Variants in ACCSL observed in about 807,000 individuals in gnomAD.
ACCSL encodes the protein 1-aminocyclopropane-1-carboxylate synthase homolog (inactive) like.
ACCSL carries 55 observed loss-of-function variants against 61.7 expected under a neutral mutation model. The observed-to-expected ratio is 0.89, with a 90% CI of 0.72 to 1.12. ACCSL has a LOEUF of 1.12. Among genes scored for constraint, ACCSL ranks in the 50% most tolerant of loss-of-function variants. The pLI is 0.00. For synonymous variants in ACCSL, 258 were observed against 264.3 expected (o/e 0.98, Z 0.23); for missense variants, 632 against 698.0 (o/e 0.91, Z 1.07).
rs1367361746 is a variant in ACCSL at position 44,052,973 on chromosome 11, A to G, written c.871-18A>G. ...TTAGATTTTAAGAGACACTTCTCACATAGTGTTTCTCTTCCAGGTCACTGT... is the reference window on the plus strand; with the variant it reads ...TTAGATTTTAAGAGACACTTCTCACGTAGTGTTTCTCTTCCAGGTCACTGT... On this transcript the variant is annotated intron_variant, in intron 6 of 13. Transcript: ENST00000378832. 6.2e-7 allele frequency: 1 copy of G among 1,607,012 alleles called. No individual in the cohort carries two copies. The highest frequency in any genetic ancestry group is 1.1e-5 in the South Asian group (1 of 90,916).
At chr11:43,943,896 CT>C in the ACCSL span, 1 of 1,211,686 alleles carries the variant, frequency 8.3e-7, no homozygotes, top group Admixed American at 3.3e-5. This position sits in a 1 kb window ranked among gnomAD's most constrained non-coding sequence, Gnocchi z 4.8. Context: ...TTTCCAGGCT[CT>C]TGACTTTTTG....
At chr11:44,002,755 T>C in the ACCSL span, among the ~76,000 whole-genome samples, 2 of 152,214 alleles carry the variant, frequency 1.3e-5, no homozygotes, top group Non-Finnish European at 2.9e-5. Context: ...CTCAGAATCC[T>C]TACCGGTAAA....
rs2134763073 is a variant in ACCSL at position 44,048,066 on chromosome 11, G to GC, written c.33dup (p.Ser12LeufsTer51). 6.2e-7 allele frequency: 1 copy of GC among 1,613,350 alleles called. No homozygotes were observed. Among genetic ancestry groups the GC allele is most frequent in the Non-Finnish European group, 8.5e-7 (1 of 1,179,352 alleles). ...GTCATCGGTCAGACACCCTTCCTGTGCCCTCTGGTCAGAGGAGAGGCCGGG... is the reference window on the plus strand; with the variant it reads ...GTCATCGGTCAGACACCCTTCCTGTGCCCCTCTGGTCAGAGGAGAGGCCGGG... On this transcript the variant is annotated frameshift_variant, in exon 1 of 14. Coordinates refer to ENST00000378832, the MANE Select transcript of ACCSL (RefSeq NM_001031854.2). LOFTEE classifies it high-confidence loss of function.
chr11:43,934,871 C>G, the ACCSL span, among the ~76,000 whole-genome samples: 6 of 152,232 alleles, frequency 3.9e-5, no homozygotes, highest in Non-Finnish European at 7.3e-5. Flanking sequence ...AAACAAAGCC[C>G]TGCTAATGGC....
chr11:43,967,697 C>T, the ACCSL span, among the ~76,000 whole-genome samples: 1 of 152,048 alleles, frequency 6.6e-6, no homozygotes, highest in African/African-American at 2.4e-5. Context: ...GTTTTACTGA[C>T]CTTTACCACA....
intron 11 of ACCSL, among the ~76,000 whole-genome samples, chr11:44,057,565 C>T (rs150171871): frequency 6.6e-6 from 1 of 152,322 alleles, no homozygotes; most frequent in African/African-American, 2.4e-5. Flanking sequence ...TCTAACAGCT[C>T]CCCAAGTGGT....
chr11:43,973,031 G>A, the ACCSL span, among the ~76,000 whole-genome samples: 6 of 152,160 alleles, frequency 3.9e-5, no homozygotes, highest in Admixed American at 3.9e-4. Context: ...TGAGAGAGCT[G>A]GTTAAATGCA....
At chr11:43,926,554 G>C in the ACCSL span, 1 of 451,572 alleles carries the variant, frequency 2.2e-6, no homozygotes, top group African/African-American at 2.0e-5. Flanking sequence ...TGCGGTGAGG[G>C]ATACGTGAAA....
the ACCSL span, among the ~76,000 whole-genome samples, chr11:43,940,037 A>C: frequency 6.6e-6 from 1 of 152,198 alleles, no homozygotes; most frequent in Non-Finnish European, 1.5e-5. Context: ...ACCCTAATCC[A>C]AGCCTTCAGT....
chr11:43,973,678 G>A, the ACCSL span, among the ~76,000 whole-genome samples: 1 of 152,128 alleles, frequency 6.6e-6, no homozygotes, highest in Admixed American at 6.5e-5. Context: ...TGGAAAAGGT[G>A]GAAGAGCATA....
the ACCSL span, among the ~76,000 whole-genome samples, chr11:43,951,365 T>C: frequency 1.3e-5 from 2 of 152,212 alleles, no homozygotes; most frequent in African/African-American, 4.8e-5. Context: ...AATGGTGTTA[T>C]CTTCCCACTC....
Position 44,056,346 on chromosome 11 carries a change from A to C in ACCSL, c.1327+20A>C, listed in dbSNP as rs769425348. The C allele has an allele frequency of 6.2e-7, 1 of 1,608,056 alleles. No homozygotes were observed. Among genetic ancestry groups the C allele is most frequent in the South Asian group, 1.1e-5 (1 of 90,256 alleles). On this transcript the variant is annotated intron_variant, in intron 11 of 13. Transcript: ENST00000378832. ...ACACAGGTACTGAGCTCTAGCACAG[A>C]CCAGCATGTTGGCTGGACCTCATGG...
chr11:44,015,100 G>A, the ACCSL span, among the ~76,000 whole-genome samples: 1 of 152,252 alleles, frequency 6.6e-6, no homozygotes, highest in Admixed American at 6.5e-5. Flanking sequence ...TGGTGATGGA[G>A]TAGGTGCTCC....
chr11:44,022,467 A>G, the ACCSL span, among the ~76,000 whole-genome samples: 1 of 152,146 alleles, frequency 6.6e-6, no homozygotes, highest in Non-Finnish European at 1.5e-5. Flanking sequence ...TTGATTTTGT[A>G]TCTTGAAACT....
At chr11:44,014,913 G>T in the ACCSL span, among the ~76,000 whole-genome samples, 2 of 152,200 alleles carry the variant, frequency 1.3e-5, no homozygotes, top group South Asian at 2.1e-4. Flanking sequence ...CAGACATCTC[G>T]TGGGCCTCAG....
At chr11:43,922,453 C>T in the ACCSL span, among the ~76,000 whole-genome samples, 1 of 152,226 alleles carries the variant, frequency 6.6e-6, no homozygotes, top group Non-Finnish European at 1.5e-5. Flanking sequence ...CCACAGGCCA[C>T]CTGTTTGTTC....
the ACCSL span, among the ~76,000 whole-genome samples, chr11:43,970,849 G>A: frequency 6.6e-6 from 1 of 152,158 alleles, no homozygotes; most frequent in Non-Finnish European, 1.5e-5. Flanking sequence ...AGCATTTTAA[G>A]CACCTTTCCT....
upstream of ACCSL, among the ~76,000 whole-genome samples, chr11:44,043,551 T>A (rs1440310232): frequency 3.4e-5 from 5 of 147,728 alleles, no homozygotes; most frequent in African/African-American, 1.2e-4. Flanking sequence ...TAGTGTAGAT[T>A]TCCTTATCCC....
the ACCSL span, among the ~76,000 whole-genome samples, chr11:43,954,283 GGACACA>G: frequency 2.0e-5 from 3 of 152,130 alleles, no homozygotes; most frequent in Non-Finnish European, 4.4e-5. Context: ...AGGAAATCAA[GGACACA>G]GACACACAAG....
Sources: gnomAD v4.1 joint callset for allele counts (sites outside exome capture counted in the v4.1 genomes callset) on GRCh38, gnomAD v4.1.1 for gene constraint, Gnocchi (gnomAD v3.1) non-coding constraint, MANE v1.5 for transcripts, NCBI Gene and HGNC (gene_info 2026-07-23, HGNC 2026-07-21) for gene names.